Variants in AIG1 observed in about 807,000 individuals in gnomAD.
AIG1 encodes androgen-induced gene 1 protein.
AIG1 carries 23 observed loss-of-function variants against 31.4 expected under a neutral mutation model. The observed-to-expected ratio is 0.73, with a 90% CI of 0.53 to 1.04. The LOEUF (loss-of-function observed/expected upper bound fraction) is 1.04, where lower values mean the gene tolerates loss of function less well. AIG1 is among the 50% of genes least tolerant of loss of function. The pLI, the probability that AIG1 is intolerant of heterozygous loss-of-function variation, is 0.00. For missense variants in AIG1, 274 were observed against 295.0 expected (o/e 0.93, Z 0.52); for synonymous variants, 100 against 110.5 (o/e 0.90, Z 0.60).
intron 3 of AIG1, among the ~76,000 whole-genome samples, chr6:143,178,341 C>G (rs999371741): frequency 7.2e-5 from 11 of 152,286 alleles, no homozygotes; most frequent in African/African-American, 2.6e-4. Flanking sequence ...TGGCTCTGCT[C>G]TCAACATGAT....
At chr6:143,248,934 T>C (rs961164251) in intron 3 of AIG1, among the ~76,000 whole-genome samples, 1 of 152,172 alleles carries the variant, frequency 6.6e-6, no homozygotes, top group South Asian at 2.1e-4. Flanking sequence ...TAATACTAGT[T>C]TTCAGCATCG....
intron 3 of AIG1, among the ~76,000 whole-genome samples, chr6:143,199,538 C>G (rs893354485): frequency 3.3e-5 from 5 of 152,148 alleles, no homozygotes; most frequent in Non-Finnish European, 7.4e-5. Context: ...TAATTTTTGG[C>G]TGTGCCCTGA....
intron 1 of AIG1, 51 bp downstream of exon 1, chr6:143,061,117 CGTGT>C (rs138059311): frequency 0.021 from 29,262 of 1,376,932 alleles, 31 homozygotes; most frequent in East Asian, 0.067. Context: ...CCTGTGTGTG[CGTGT>C]GTGTGTGTGT....
At chr6:143,266,498 C>T (rs1796168598) in intron 3 of AIG1, among the ~76,000 whole-genome samples, 1 of 152,118 alleles carries the variant, frequency 6.6e-6, no homozygotes, top group Non-Finnish European at 1.5e-5. Flanking sequence ...TGTTAACACA[C>T]ACACACACAA....
In AIG1 at chr6:143,098,384, A is replaced by G. The variant is rs192959306; in HGVS notation, c.141+37318A>G. On this transcript the variant is annotated intron_variant, in intron 1 of 5. Transcript: ENST00000357847. Reference sequence around the variant, plus strand: ...TTGGATTCTGGGAAGTGACACTCTTACCTTTCTTCTGACCATTCTGGCTAT... The same window carrying G: ...TTGGATTCTGGGAAGTGACACTCTTGCCTTTCTTCTGACCATTCTGGCTAT... Among the ~76,000 whole-genome samples the G allele has an allele frequency of 2.0e-3, 297 of 152,202 alleles. 3 individuals are homozygous for G. The highest frequency in any genetic ancestry group is 5.7e-3 in the African/African-American group (235 of 41,540).
At chr6:143,207,951 T>A (rs17072313) in intron 3 of AIG1, among the ~76,000 whole-genome samples, 2,207 of 152,258 alleles carry the variant, frequency 0.014, 62 homozygotes, top group African/African-American at 0.051. Flanking sequence ...CTTTACCATC[T>A]TCTAGGTGAG....
chr6:143,125,588 G>C (rs1339078438), intron 1 of AIG1, among the ~76,000 whole-genome samples: 1 of 152,122 alleles, frequency 6.6e-6, no homozygotes. Context: ...GAACACCCTG[G>C]GGGGGAATTT....
At chr6:143,172,936 C>T (rs1787777012) in intron 3 of AIG1, among the ~76,000 whole-genome samples, 1 of 152,082 alleles carries the variant, frequency 6.6e-6, no homozygotes, top group Non-Finnish European at 1.5e-5. Flanking sequence ...TCTAATTGAG[C>T]TTATTTGGAT....
At chr6:143,071,327 A>G (rs1777240144) in intron 1 of AIG1, among the ~76,000 whole-genome samples, 1 of 152,220 alleles carries the variant, frequency 6.6e-6, no homozygotes, top group Non-Finnish European at 1.5e-5. Context: ...CAGTTTAGCC[A>G]TTTATCCGTT....
chr6:143,279,451 C>T lies in AIG1; in HGVS notation c.400-4659C>T, dbSNP rs1050884673. ...CTAATCTTTCCACTTCATTACACTGCTGTCTTCCTTTGAGCCTCTTCTGCA... is the reference window on the plus strand; with the variant it reads ...CTAATCTTTCCACTTCATTACACTGTTGTCTTCCTTTGAGCCTCTTCTGCA... On this transcript the variant is annotated intron_variant, in intron 3 of 5. Transcript: ENST00000357847. The surrounding 1 kb of genome is among the most constrained non-coding windows in gnomAD (Gnocchi z 5.4). Among the ~76,000 whole-genome samples the T allele has an allele frequency of 6.6e-6, 1 of 152,248 alleles. No individual in the cohort carries two copies. Among genetic ancestry groups the T allele is most frequent in the Admixed American group, 6.5e-5 (1 of 15,292 alleles).
chr6:143,335,022 G>T, intron 5 of AIG1: 1 of 1,291,742 alleles, frequency 7.7e-7, no homozygotes, highest in South Asian at 1.9e-5. Context: ...ACATAAGATT[G>T]ACTAACTTTT....
chr6:143,095,957 A>T (rs1216937934), intron 1 of AIG1, among the ~76,000 whole-genome samples: 1 of 126,472 alleles, frequency 7.9e-6, no homozygotes, highest in Non-Finnish European at 1.5e-5. Flanking sequence ...ACCAGGCTGG[A>T]GTGCAGTGGC....
At position 143,325,797 on chromosome 6, in the gene AIG1, T is replaced by A. The variant is rs9376743; in HGVS notation, c.516-7485T>A. Among the ~76,000 whole-genome samples the A allele has an allele frequency of 0.72, 109,186 of 152,196 alleles. 41,037 individuals carry two copies. The highest frequency in any genetic ancestry group is 1 in the East Asian group (5,184 of 5,190). The stretch of plus-strand genomic sequence containing the variant: ...CTGTAATATTTTCTCCTCTGTTCAC[T>A]TCTGTTACTGTTTTAAAATGCTAGT... On this transcript the variant is annotated intron_variant, in intron 4 of 5. Transcript: ENST00000357847. This position sits in a 1 kb window ranked among gnomAD's most constrained non-coding sequence, Gnocchi z 4.3.
intron 1 of AIG1, among the ~76,000 whole-genome samples, chr6:143,101,139 GTGAGA>G (rs1780239675): frequency 6.6e-6 from 1 of 151,840 alleles, no homozygotes; most frequent in Non-Finnish European, 1.5e-5. Flanking sequence ...GTTTATTAAA[GTGAGA>G]TGTCAGGTTG....
At position 143,293,044 on chromosome 6, in the gene AIG1, C is replaced by T. The variant is rs1282068438; in HGVS notation, c.515+8819C>T. Among the ~76,000 whole-genome samples the T allele has an allele frequency of 2.6e-5, 4 of 152,224 alleles. No homozygotes were observed. Among genetic ancestry groups the T allele is most frequent in the African/African-American group, 7.2e-5 (3 of 41,526 alleles). On this transcript the variant is annotated intron_variant, in intron 4 of 5. Coordinates refer to ENST00000357847, the MANE Select transcript of AIG1 (RefSeq NM_016108.4). The surrounding 1 kb of genome is among the most constrained non-coding windows in gnomAD (Gnocchi z 4.8). Reference sequence around the variant, plus strand: ...CCTCTCTTAGCCTCATTGTTACCACCTTTAAAATGGGAAAGAATGCCTGCC... The same window carrying T: ...CCTCTCTTAGCCTCATTGTTACCACTTTTAAAATGGGAAAGAATGCCTGCC...
rs540130152 is a variant in AIG1 at position 143,195,996 on chromosome 6, A to T, written c.399+30813A>T. Among the ~76,000 whole-genome samples, 268 of 152,238 alleles carry T rather than the reference A, an allele frequency of 1.8e-3. 1 individual carries two copies. The highest frequency in any genetic ancestry group is 2.7e-3 in the Non-Finnish European group (183 of 68,008). On this transcript the variant is annotated intron_variant, in intron 3 of 5. Coordinates refer to ENST00000357847, the MANE Select transcript of AIG1 (RefSeq NM_016108.4). ...AGAAGCAGAGTCTGAGGGACAGATGATTTTCCCCTCTGGCCTTGGCTCCTT... is the reference window on the plus strand; with the variant it reads ...AGAAGCAGAGTCTGAGGGACAGATGTTTTTCCCCTCTGGCCTTGGCTCCTT...
intron 1 of AIG1, among the ~76,000 whole-genome samples, chr6:143,107,314 C>T (rs555337268): frequency 3.4e-4 from 52 of 152,112 alleles, no homozygotes; most frequent in Non-Finnish European, 6.3e-4. Flanking sequence ...ATAAAGATAC[C>T]TACTCATTGT....
At chr6:143,060,402 C>T (rs1180876986), upstream of AIG1, 1 of 195,358 alleles carries the variant, frequency 5.1e-6, no homozygotes, top group Non-Finnish European at 1.1e-5. Context: ...GCAACTACCC[C>T]AGGAAGCGTC....
rs558293628 is a variant in AIG1, at chr6:143,265,783, G to A, written c.400-18327G>A. On this transcript the variant is annotated intron_variant, in intron 3 of 5. Transcript: ENST00000357847. ...ACTTAAAGTGACAAAAAGTAACCTG[G>A]TAATGCCTTCGGTATTCACAGTGTT... Among the ~76,000 whole-genome samples, 127 of 152,196 alleles carry A rather than the reference G, an allele frequency of 8.3e-4. No individual in the cohort carries two copies. In the South Asian group the frequency reaches 0.019, roughly 22 times the overall value.
Sources: gnomAD v4.1 joint callset for allele counts (sites outside exome capture counted in the v4.1 genomes callset) on GRCh38, gnomAD v4.1.1 for gene constraint, Gnocchi (gnomAD v3.1) non-coding constraint, MANE v1.5 for transcripts, NCBI Gene and HGNC (gene_info 2026-07-23, HGNC 2026-07-21) for gene names.